Variants in COASY observed in about 807,000 individuals in gnomAD.
COASY encodes the protein Coenzyme A synthase.
In COASY, 31 loss-of-function variants were observed where a neutral mutation model predicts 49.4. The observed-to-expected ratio is 0.63, with a 90% CI of 0.47 to 0.85. COASY has a LOEUF of 0.85. COASY is among the 40% of genes least tolerant of loss of function. The pLI is 0.00. For missense variants in COASY, 730 were observed against 734.1 expected (o/e 0.99, Z 0.06); for synonymous variants, 285 against 310.9 (o/e 0.92, Z 0.88).
In COASY at chr17:42,565,935, G is replaced by C. The variant is rs1198844168; in HGVS notation, c.1662G>C (p.Lys554Asn). The part of the protein sequence containing the change: ...QVEKAWALLQ[K>N]RIPKTHQALD ...AGAAAGCCTGGGCCCTCTTGCAGAAGCGCATTCCCAAGACTCATCAGGCCC... is the reference window on the plus strand; with the variant it reads ...AGAAAGCCTGGGCCCTCTTGCAGAACCGCATTCCCAAGACTCATCAGGCCC... Residue 554 changes from lysine to asparagine, a missense_variant, in exon 9 of 9, where the codon AAG (lysine) becomes AAC (asparagine). Coordinates refer to ENST00000393818, the MANE Select transcript of COASY (RefSeq NM_025233.7). 1.2e-6 allele frequency: 2 copies of C among 1,613,904 alleles called. No individual in the cohort carries two copies. The highest frequency in any genetic ancestry group is 2.2e-5 in the South Asian group (2 of 91,088).
In COASY at chr17:42,565,654, C is replaced by T. The variant is rs74886553; in HGVS notation, c.1486-5C>T. On this transcript the variant is annotated splice_polypyrimidine_tract_variant and splice_region_variant and intron_variant, in intron 7 of 8. Transcript: ENST00000393818. The stretch of plus-strand genomic sequence containing the variant: ...CTTCCTGACAAATGTCTCGTCTGTG[C>T]TCAGGCTGTAAGACGCATTGTGGAG... The T allele has an allele frequency of 6.2e-6, 10 of 1,614,000 alleles. No homozygotes were observed. Among genetic ancestry groups the T allele is most frequent in the Non-Finnish European group, 8.5e-6 (10 of 1,180,008 alleles).
rs2092985574 is a variant in COASY, at chr17:42,563,165, C to A, written c.543C>A (p.Ala181=). The A allele has an allele frequency of 2.5e-6, 4 of 1,613,936 alleles. No homozygotes were observed. Among genetic ancestry groups the A allele is most frequent in the Non-Finnish European group, 3.4e-6 (4 of 1,180,016 alleles). ...CGATCAGGCCAGCTTCCCCCGTGGCCGGGTCTCCAAAGCAGCCGGTGCGTG... is the reference window on the plus strand; with the variant it reads ...CGATCAGGCCAGCTTCCCCCGTGGCAGGGTCTCCAAAGCAGCCGGTGCGTG... ...PSTIRPASPV[A]GSPKQPVRGY... is the part of the protein sequence containing the mutation. The change falls in exon 1 of 9, where the codon GCC becomes GCA. Residue 181 remains alanine, a synonymous_variant. Transcript: ENST00000393818.
chr17:42,565,183 C>T, intron 5 of COASY, 44 bp from the exon 6 acceptor site: 1 of 1,608,016 alleles, frequency 6.2e-7, no homozygotes. Context: ...GGCTGGCTGC[C>T]TCTTCTAGAG....
intron 3 of COASY, 63 bp from the exon 4 acceptor site, chr17:42,564,646 C>T (rs2092993297): frequency 6.5e-7 from 1 of 1,547,930 alleles, no homozygotes; most frequent in Admixed American, 2.0e-5. Context: ...AGCTGAGGGG[C>T]TCAGCCCCAG....
chr17:42,563,881 A>G, intron 1 of COASY, 80 bp from the exon 2 acceptor site: 1 of 1,149,138 alleles, frequency 8.7e-7, no homozygotes, highest in Non-Finnish European at 1.3e-6. Context: ...TACTGTACTT[A>G]GGGACACTTT....
In COASY at chr17:42,565,219, C is replaced by A; in HGVS notation, c.1303-8C>A. The A allele has an allele frequency of 6.2e-7, 1 of 1,613,994 alleles. No individual in the cohort carries two copies. The highest frequency in any genetic ancestry group is 2.2e-5 in the East Asian group (1 of 44,888). ...AAGGTAACCTCTGCCCTCTGTTCCC[C>A]TCCCCAGAAGCAGCTGAAGATACTC... On this transcript the variant is annotated splice_region_variant and splice_polypyrimidine_tract_variant and intron_variant, in intron 5 of 8. Coordinates refer to ENST00000393818, the MANE Select transcript of COASY (RefSeq NM_025233.7).
chr17:42,564,663 G>A, intron 3 of COASY, 46 bp from the exon 4 acceptor site: 2 of 1,533,328 alleles, frequency 1.3e-6, no homozygotes, highest in Non-Finnish European at 1.7e-6. Flanking sequence ...CCAGGCATGA[G>A]GCTGAGGGCC....
intron 2 of COASY, 84 bp downstream of exon 2, chr17:42,564,259 C>A (rs1319998985): frequency 6.8e-7 from 1 of 1,477,624 alleles, no homozygotes; most frequent in Non-Finnish European, 9.4e-7. Flanking sequence ...GTACCATGGC[C>A]CCAGAGGAGA....
In COASY at chr17:42,562,167, A is replaced by G. The variant is rs767648742; in HGVS notation, c.-456A>G. 4.2e-6 allele frequency: 2 copies of G among 477,124 alleles called. No homozygotes were observed. Among genetic ancestry groups the G allele is most frequent in the East Asian group, 3.5e-5 (1 of 28,912 alleles). The allele number at this position is 477,124 out of a possible 1,614,324, so 29.6% of individuals were successfully genotyped here. A position where few individuals can be genotyped will look rare whatever the true frequency, so the allele number is the denominator to read the frequency against. On this transcript the variant is annotated 5_prime_UTR_variant, in exon 1 of 9. Transcript: ENST00000393818. ...TTCTCCGTTAGTGCTTCCGGGTTGC[A>G]GCCAGGGAAGCCTCCGCGGTGGTGC...
rs1243282896 is a variant in COASY, at chr17:42,565,456, G to A, written c.1388-15G>A. 1 of 1,613,964 alleles carries A rather than the reference G, an allele frequency of 6.2e-7. No homozygotes were observed. The highest frequency in any genetic ancestry group is 8.5e-7 in the Non-Finnish European group (1 of 1,179,848). ...AACGTCGGCACTGCTGGCGGTGACT[G>A]GGGTCTCCCCACAGGAAAGCGTGTG... On this transcript the variant is annotated splice_polypyrimidine_tract_variant and intron_variant, in intron 6 of 8. Coordinates refer to ENST00000393818, the MANE Select transcript of COASY (RefSeq NM_025233.7).
In COASY at chr17:42,562,846, C is replaced by T; in HGVS notation, c.224C>T (p.Ala75Val). 1 of 1,613,378 alleles carries T rather than the reference C, an allele frequency of 6.2e-7. No homozygotes were observed. The highest frequency in any genetic ancestry group is 8.5e-7 in the Non-Finnish European group (1 of 1,179,624). Reference sequence around the variant, plus strand: ...TTCATCACGCACCTCTATGCTGGCGCCGACGTCCACAGGCACTTGGACGTC... The same window carrying T: ...TTCATCACGCACCTCTATGCTGGCGTCGACGTCCACAGGCACTTGGACGTC... ...LDFITHLYAG[A>V]DVHRHLDVRI... The change falls in exon 1 of 9, where the codon GCC becomes GTC. Residue 75 changes from alanine to valine, a missense_variant. By Grantham distance (64) the Ala-to-Val change is moderately conservative (BLOSUM62 0). Coordinates refer to ENST00000393818, the MANE Select transcript of COASY (RefSeq NM_025233.7).
At position 42,564,582 on chromosome 17, in the gene COASY, G is replaced by C. The variant is rs2092992975; in HGVS notation, c.1047+5G>C. 6.2e-7 allele frequency: 1 copy of C among 1,608,700 alleles called. No homozygotes were observed. Among genetic ancestry groups the C allele is most frequent in the Non-Finnish European group, 8.5e-7 (1 of 1,176,960 alleles). Reference sequence around the variant, plus strand: ...AACCTGCTTCGGCCTCCATATGTAAGCTCCTCTCCCTCCTTCCCTCCTGCT... The same window carrying C: ...AACCTGCTTCGGCCTCCATATGTAACCTCCTCTCCCTCCTTCCCTCCTGCT... On this transcript the variant is annotated splice_donor_5th_base_variant and intron_variant, in intron 3 of 8. Transcript: ENST00000393818.
chr17:42,562,157 T>G lies in COASY; in HGVS notation c.-466T>G. The G allele has an allele frequency of 2.1e-6, 1 of 483,986 alleles. No homozygotes were observed. The highest frequency in any genetic ancestry group is 3.1e-5 in the South Asian group (1 of 31,860). 30.0% of individuals were successfully genotyped at this position (483,986 alleles called of 1,614,324 possible). A position where few individuals can be genotyped will look rare whatever the true frequency, so the allele number is the denominator to read the frequency against. On this transcript the variant is annotated 5_prime_UTR_variant, in exon 1 of 9. Transcript: ENST00000393818. ...GAGTTGCGGTTTCTCCGTTAGTGCT[T>G]CCGGGTTGCAGCCAGGGAAGCCTCC...
chr17:42,565,030 C>CGGGTGTT lies in COASY; in HGVS notation c.1286_1292dup (p.Phe431LeufsTer6). The stretch of plus-strand genomic sequence containing the variant: ...CATCAACAGGAAGGTCCTAGGCAGC[C>CGGGTGTT]GGGTGTTTGGGAATAAGGTAAACAA... On this transcript the variant is annotated frameshift_variant, in exon 5 of 9. Transcript: ENST00000393818. LOFTEE classifies it high-confidence loss of function. The CGGGTGTT allele has an allele frequency of 6.2e-7, 1 of 1,614,118 alleles. No individual in the cohort carries two copies. The highest frequency in any genetic ancestry group is 8.5e-7 in the Non-Finnish European group (1 of 1,180,000).
At chr17:42,565,865 C>T in intron 8 of COASY, 41 bp from the exon 9 acceptor site, 1 of 1,613,926 alleles carries the variant, frequency 6.2e-7, no homozygotes, top group Non-Finnish European at 8.5e-7. Flanking sequence ...TACTGCCTGA[C>T]CCTGCCCTCT....
In COASY at chr17:42,565,033, G is replaced by C; in HGVS notation, c.1288G>C (p.Val430Leu). 2 of 1,614,180 alleles carry C rather than the reference G, an allele frequency of 1.2e-6. No individual in the cohort carries two copies. The highest frequency in any genetic ancestry group is 8.5e-7 in the Non-Finnish European group (1 of 1,180,020). The change falls in exon 5 of 9, where the codon GTG becomes CTG. Residue 430 changes from valine to leucine, a missense_variant. Val to Leu is a conservative substitution (Grantham distance 32). Coordinates refer to ENST00000393818, the MANE Select transcript of COASY (RefSeq NM_025233.7). ...CAACAGGAAGGTCCTAGGCAGCCGG[G>C]TGTTTGGGAATAAGGTAAACAATAA... ...IINRKVLGSR[V>L]FGNKKQLKIL... is the part of the protein sequence containing the mutation.
At position 42,562,546 on chromosome 17, in the gene COASY, T is replaced by G; in HGVS notation, c.-77T>G. The stretch of plus-strand genomic sequence containing the variant: ...TCCTTCTCTGGGGTCCAAGGTCCCA[T>G]ACAGGCCTCTGCCTCGGCCGCAGGC... On this transcript the variant is annotated 5_prime_UTR_variant, in exon 1 of 9. Transcript: ENST00000393818. The G allele has an allele frequency of 6.3e-7, 1 of 1,599,348 alleles. No individual in the cohort carries two copies. Among genetic ancestry groups the G allele is most frequent in the Non-Finnish European group, 8.5e-7 (1 of 1,173,680 alleles).
Position 42,563,248 on chromosome 17 carries a change from T to C in COASY, c.626T>C (p.Val209Ala), listed in dbSNP as rs756088989. ...GACCGCCTGCACAACGCCCACAAGGTGTTGCTCAGTGTCGCGTGCATCCTG... is the reference window on the plus strand; with the variant it reads ...GACCGCCTGCACAACGCCCACAAGGCGTTGCTCAGTGTCGCGTGCATCCTG... ...TFDRLHNAHK[V>A]LLSVACILAQ... Residue 209 changes from valine (V) to alanine (A), a missense_variant, in exon 1 of 9, where the codon GTG becomes GCG. Coordinates refer to ENST00000393818, the MANE Select transcript of COASY (RefSeq NM_025233.7). 1 of 1,612,324 alleles carries C rather than the reference T, an allele frequency of 6.2e-7. No individual in the cohort carries two copies. Among genetic ancestry groups the C allele is most frequent in the South Asian group, 1.1e-5 (1 of 91,076 alleles).
chr17:42,563,378 G>T, intron 1 of COASY, 56 bp downstream of exon 1: 1 of 1,462,326 alleles, frequency 6.8e-7, no homozygotes, highest in South Asian at 1.3e-5. Context: ...CCCCACCCCC[G>T]ACCCTTATGC....
Sources: gnomAD v4.1 joint callset for allele counts on GRCh38, gnomAD v4.1.1 for gene constraint, MANE v1.5 for transcripts, NCBI Gene and HGNC (gene_info 2026-07-23, HGNC 2026-07-21) for gene names.